MEGF11: variants seen among roughly 807,000 people sequenced by gnomAD.
MEGF11 encodes the protein multiple EGF like domains 11, also known as multiple epidermal growth factor-like domains protein 11.
Under a neutral mutation model 146.6 loss-of-function variants are expected in MEGF11, and 126 were observed. The observed-to-expected ratio is 0.86, with a 90% CI of 0.74 to 1.00. MEGF11 has a LOEUF of 1.00. Ranked by LOEUF, MEGF11 falls within the 50% of genes least tolerant of loss-of-function variation. MEGF11 has a pLI of 0.00. For missense variants in MEGF11, 1,509 were observed against 1,521.2 expected, an observed-to-expected ratio of 0.99 and a Z score of 0.13; for synonymous variants, 532 against 583.4, an observed-to-expected ratio of 0.91 and a Z score of 1.27.
At chr15:65,989,223 C>G (rs2141741719) in intron 5 of MEGF11, among the ~76,000 whole-genome samples, 1 of 152,264 alleles carries the variant, frequency 6.6e-6, no homozygotes, top group South Asian at 2.1e-4. Flanking sequence ...AAGGTTAGTC[C>G]TTCCCATTCC....
At chr15:65,958,199 C>T (rs2080725721) in intron 9 of MEGF11, among the ~76,000 whole-genome samples, 1 of 152,190 alleles carries the variant, frequency 6.6e-6, no homozygotes, top group African/African-American at 2.4e-5. Context: ...GAATGTTGGG[C>T]TGAGTGAAAA....
intron 21 of MEGF11, among the ~76,000 whole-genome samples, chr15:65,910,304 A>G (rs1048331790): frequency 1.3e-5 from 2 of 152,116 alleles, no homozygotes; most frequent in African/African-American, 2.4e-5. Flanking sequence ...CTTGAGGCTT[A>G]TATTGTAGTC....
intron 15 of MEGF11, among the ~76,000 whole-genome samples, chr15:65,920,155 A>ACT (rs1368199051): frequency 6.6e-6 from 1 of 152,042 alleles, no homozygotes; most frequent in Non-Finnish European, 1.5e-5. Context: ...CTTTGAGCAA[A>ACT]CTCTCTGTTT....
At chr15:65,912,307 C>CA (rs1432502689) in intron 20 of MEGF11, 107 bp from the exon 21 acceptor site, 3 of 612,738 alleles carry the variant, frequency 4.9e-6, no homozygotes, top group Non-Finnish European at 7.1e-6. Flanking sequence ...CCTGCAAAGA[C>CA]AAACAGGCAA....
chr15:66,128,113 T>C (rs775125446), intron 2 of MEGF11, among the ~76,000 whole-genome samples, 193 bp downstream of exon 2: 3 of 152,158 alleles, frequency 2.0e-5, no homozygotes, highest in Non-Finnish European at 4.4e-5. Flanking sequence ...TTAATGTGAG[T>C]TGCCTCCACC....
intron 1 of MEGF11, among the ~76,000 whole-genome samples, chr15:66,253,399 G>A (rs1349639649): frequency 6.6e-6 from 1 of 152,206 alleles, no homozygotes; most frequent in Admixed American, 6.5e-5. Context: ...GCTCCTGCAA[G>A]CCCCGGCATC....
At chr15:66,121,951 C>T (rs1053941319) in intron 3 of MEGF11, among the ~76,000 whole-genome samples, 3 of 152,112 alleles carry the variant, frequency 2.0e-5, no homozygotes, top group African/African-American at 7.2e-5. Context: ...ACAATATAAT[C>T]CAAGATTACT....
chr15:65,966,402 C>T (rs1209005648), intron 8 of MEGF11, among the ~76,000 whole-genome samples: 2 of 152,220 alleles, frequency 1.3e-5, no homozygotes, highest in Non-Finnish European at 2.9e-5. Flanking sequence ...AGTGATGCAT[C>T]TTACGATCAG....
chr15:65,983,989 T>C (rs1234920494), intron 5 of MEGF11, among the ~76,000 whole-genome samples: 1 of 152,086 alleles, frequency 6.6e-6, no homozygotes, highest in African/African-American at 2.4e-5. Context: ...CTGACCAAGG[T>C]CAAGCGGTCA....
intron 5 of MEGF11, among the ~76,000 whole-genome samples, chr15:66,087,575 A>G (rs1567234380): frequency 6.6e-6 from 1 of 152,234 alleles, no homozygotes; most frequent in South Asian, 2.1e-4. Flanking sequence ...CTGAATGAGC[A>G]TTGGGTCAAA....
chr15:66,006,595 C>T (rs536010209), intron 5 of MEGF11, among the ~76,000 whole-genome samples: 116 of 152,358 alleles, frequency 7.6e-4, no homozygotes, highest in African/African-American at 2.5e-3. Flanking sequence ...TTGTGTTGAG[C>T]TCCCTGCTCT....
chr15:66,118,995 G>A lies in MEGF11; in HGVS notation c.301+91C>T, dbSNP rs567781575. The A allele has an allele frequency of 6.7e-5, 57 of 853,738 alleles. No homozygotes were observed. In the Admixed American group the frequency reaches 8.4e-4, roughly 13 times the overall value. 52.9% of individuals were successfully genotyped at this position (853,738 alleles called of 1,614,324 possible). ...GGCTGAGGACTGCTGCCTAGGGGCC[G>A]TGGATATCAGCCCCACCTCCCCTCC... is the stretch of plus-strand genomic sequence containing the variant. On this transcript the variant is annotated intron_variant, in intron 4 of 25. Coordinates refer to ENST00000395614, the MANE Select transcript of MEGF11 (RefSeq NM_001385028.1).
intron 10 of MEGF11, among the ~76,000 whole-genome samples, chr15:65,955,793 T>TATATATATACACAC (rs1555455862): frequency 1.5e-4 from 1 of 6,772 alleles, no homozygotes; most frequent in African/African-American, 3.2e-4. Flanking sequence ...TATATATATA[T>TATATATATACACAC]ACACACACAC....
intron 1 of MEGF11, among the ~76,000 whole-genome samples, chr15:66,197,166 A>C (rs1386475759): frequency 6.6e-6 from 1 of 152,242 alleles, no homozygotes; most frequent in Non-Finnish European, 1.5e-5. Flanking sequence ...GTGAGGAAAA[A>C]AGGCTTGGTG....
chr15:66,141,931 C>T (rs1328022892), intron 1 of MEGF11, among the ~76,000 whole-genome samples: 1 of 152,130 alleles, frequency 6.6e-6, no homozygotes, highest in African/African-American at 2.4e-5. Context: ...CTCCTCACTC[C>T]CCACCCTTAG....
At chr15:65,929,643 T>G (rs1183436143) in intron 12 of MEGF11, 77 bp downstream of exon 12, 1 of 1,484,240 alleles carries the variant, frequency 6.7e-7, no homozygotes, top group Non-Finnish European at 9.1e-7. Context: ...TGTGCACTCT[T>G]GTGGACGAAC....
At chr15:66,189,615 T>C (rs1360968927) in intron 1 of MEGF11, among the ~76,000 whole-genome samples, 2 of 152,144 alleles carry the variant, frequency 1.3e-5, no homozygotes, top group East Asian at 3.9e-4. Flanking sequence ...AGGGCACCAC[T>C]GGAGTCTCAT....
At position 65,956,231 on chromosome 15, in the gene MEGF11, C is replaced by T. The variant is rs563620793; in HGVS notation, c.1287+1316G>A. Among the ~76,000 whole-genome samples the T allele has an allele frequency of 6.6e-5, 10 of 152,306 alleles. No homozygotes were observed. In the South Asian group the frequency reaches 2.1e-3, roughly 32 times the overall value. On this transcript the variant is annotated intron_variant, in intron 10 of 25. Transcript: ENST00000395614. ...CCCATGGCTACATATCAGCGTCCTA[C>T]TCAAAGTGAGGACCACTGACCAGCA... is the stretch of plus-strand genomic sequence containing the variant.
At chr15:66,099,341 C>T (rs937714231) in intron 4 of MEGF11, among the ~76,000 whole-genome samples, 2 of 152,012 alleles carry the variant, frequency 1.3e-5, no homozygotes, top group Non-Finnish European at 2.9e-5. Flanking sequence ...CGCCACCAAG[C>T]CCGGCTAATC....
Sources: gnomAD v4.1 joint callset for allele counts (sites outside exome capture counted in the v4.1 genomes callset) on GRCh38, gnomAD v4.1.1 for gene constraint, MANE v1.5 for transcripts, NCBI Gene and HGNC (gene_info 2026-07-23, HGNC 2026-07-21) for gene names.